CRTC1: variants seen among roughly 807,000 people sequenced by gnomAD.
The protein encoded by CRTC1 is CREB-regulated transcription coactivator 1.
Under a neutral mutation model 66.1 loss-of-function variants are expected in CRTC1, and 18 were observed. That is an observed-to-expected ratio of 0.27 (90% confidence interval 0.19 to 0.40). The LOEUF (loss-of-function observed/expected upper bound fraction) is 0.40. CRTC1 is among the 10% of genes least tolerant of loss of function. CRTC1 has a pLI of 1.00. For synonymous variants in CRTC1, 416 were observed against 398.8 expected (o/e 1.04, Z -0.51); for missense variants, 669 against 887.9 (o/e 0.75, Z 3.13).
At chr19:18,761,087 C>G (rs1237223719) in intron 8 of CRTC1, among the ~76,000 whole-genome samples, 1 of 152,242 alleles carries the variant, frequency 6.6e-6, no homozygotes, top group East Asian at 1.9e-4. Context: ...CACCTCAGGG[C>G]CTCTGCACAT....
At chr19:18,764,155 C>T (rs2054676170) in intron 8 of CRTC1, among the ~76,000 whole-genome samples, 1 of 152,230 alleles carries the variant, frequency 6.6e-6, no homozygotes, top group South Asian at 2.1e-4. Context: ...TGTCATCTCC[C>T]CTCGGCGCTT....
intron 4 of CRTC1, among the ~76,000 whole-genome samples, chr19:18,747,406 G>A (rs998859754): frequency 2.0e-5 from 3 of 152,118 alleles, no homozygotes; most frequent in African/African-American, 4.8e-5. Context: ...GGGGGCCGAG[G>A]CAGGCGGATC....
At chr19:18,685,215 T>G (rs1386121251) in intron 1 of CRTC1, among the ~76,000 whole-genome samples, 1 of 152,154 alleles carries the variant, frequency 6.6e-6, no homozygotes, top group Non-Finnish European at 1.5e-5. Flanking sequence ...CATTTCTGTG[T>G]TGGTAATGAT....
chr19:18,699,529 G>C (rs549148906), intron 1 of CRTC1, among the ~76,000 whole-genome samples: 2 of 152,282 alleles, frequency 1.3e-5, no homozygotes, highest in Admixed American at 1.3e-4. Flanking sequence ...GTGAGGGTTT[G>C]GATAGGAAAG....
At chr19:18,719,330 G>A (rs1385289389) in intron 1 of CRTC1, among the ~76,000 whole-genome samples, 3 of 152,158 alleles carry the variant, frequency 2.0e-5, no homozygotes, top group Non-Finnish European at 2.9e-5. Flanking sequence ...TAACCCCACC[G>A]GGTCCCCAGG....
intron 1 of CRTC1, among the ~76,000 whole-genome samples, chr19:18,705,148 G>A (rs1393375808): frequency 6.6e-6 from 1 of 152,074 alleles, no homozygotes; most frequent in Non-Finnish European, 1.5e-5. Context: ...CCACTGTATG[G>A]ATGGGACACA....
intron 1 of CRTC1, among the ~76,000 whole-genome samples, chr19:18,698,201 C>T (rs1210112023): frequency 6.7e-6 from 1 of 150,148 alleles, no homozygotes; most frequent in Non-Finnish European, 1.5e-5. Flanking sequence ...AGTGTATACT[C>T]AGCAAGTGCT....
In CRTC1 at chr19:18,781,022, C is replaced by CG; in HGVS notation, c.*3645dup. ...TGGTGGAGTAAGGTCCAGCGGTATT[C>CG]GGGGGTCCTCTGTCACCTCGCCCTG... On this transcript the variant is annotated 3_prime_UTR_variant, in exon 14 of 14. Coordinates refer to ENST00000321949, the MANE Select transcript of CRTC1 (RefSeq NM_015321.3). 1 of 226,586 alleles carries CG rather than the reference C, an allele frequency of 4.4e-6. No individual in the cohort carries two copies. The allele number at this position is 226,586 out of a possible 1,614,324, so 14.0% of individuals were successfully genotyped here. A position where few individuals can be genotyped will look rare whatever the true frequency, so the allele number is the denominator to read the frequency against.
At chr19:18,716,519 G>A (rs773568943) in intron 1 of CRTC1, among the ~76,000 whole-genome samples, 1 of 152,188 alleles carries the variant, frequency 6.6e-6, no homozygotes, top group Non-Finnish European at 1.5e-5. Flanking sequence ...CAAAGTGCTG[G>A]GATTACAGGT....
chr19:18,702,637 G>A (rs949479475), intron 1 of CRTC1, among the ~76,000 whole-genome samples: 2 of 149,768 alleles, frequency 1.3e-5, no homozygotes, highest in Non-Finnish European at 3.0e-5. Context: ...GGGTTCAAGC[G>A]ATTCTCCTGC....
chr19:18,776,003 G>GCGCCA (rs150249184), intron 13 of CRTC1, among the ~76,000 whole-genome samples, 182 bp downstream of exon 13: 2 of 151,806 alleles, frequency 1.3e-5, no homozygotes, highest in African/African-American at 4.8e-5. Context: ...CCTGGGCTTC[G>GCGCCA]GGCCAGGCCA....
intron 7 of CRTC1, 52 bp from the exon 8 acceptor site, chr19:18,759,956 G>GCCAGTCCCCTGTCCCCGCCA: frequency 8.2e-7 from 1 of 1,221,322 alleles, no homozygotes; most frequent in Non-Finnish European, 1.2e-6. Flanking sequence ...TGTCCCCGCC[G>GCCAGTCCCCTGTCCCCGCCA]CCAGCCCCGC....
At position 18,775,763 on chromosome 19, in the gene CRTC1, G is replaced by A. The variant is rs752843264; in HGVS notation, c.1635G>A (p.Pro545=). Residue 545 remains proline (P), a synonymous_variant, in exon 13 of 14, where the codon CCG becomes CCA. Coordinates refer to ENST00000321949, the MANE Select transcript of CRTC1 (RefSeq NM_015321.3). Reference sequence around the variant, plus strand: ...TCACGGGCAGCCACGGGAGCCTGCCGGACTCGCAGCAACTGGGATACGCCA... The same window carrying A: ...TCACGGGCAGCCACGGGAGCCTGCCAGACTCGCAGCAACTGGGATACGCCA... ...MGLTGSHGSL[P]DSQQLGYASH... The A allele has an allele frequency of 1.7e-5, 27 of 1,611,562 alleles. No homozygotes were observed. Among genetic ancestry groups the A allele is most frequent in the Middle Eastern group, 1.6e-4 (1 of 6,074 alleles).
At position 18,710,442 on chromosome 19, in the gene CRTC1, C is replaced by G. The variant is rs573374274; in HGVS notation, c.126+26614C>G. On this transcript the variant is annotated intron_variant, in intron 1 of 13. Coordinates refer to ENST00000321949, the MANE Select transcript of CRTC1 (RefSeq NM_015321.3). The stretch of plus-strand genomic sequence containing the variant: ...GGGTGAGCTGGACATGCAGGGTTTT[C>G]TGGGGCTGCTGGAGGGGGTGGGAGC... Among the ~76,000 whole-genome samples the G allele has an allele frequency of 2.6e-5, 4 of 151,870 alleles. No individual in the cohort carries two copies. In the East Asian group the frequency reaches 7.8e-4, roughly 30 times the overall value.
intron 1 of CRTC1, among the ~76,000 whole-genome samples, chr19:18,699,741 C>G (rs1002564127): frequency 1.3e-5 from 2 of 152,100 alleles, no homozygotes; most frequent in Non-Finnish European, 2.9e-5. Flanking sequence ...GGTGATGCCT[C>G]GTGGGCCAGG....
intron 1 of CRTC1, among the ~76,000 whole-genome samples, chr19:18,690,792 G>A (rs186273955): frequency 1.3e-5 from 2 of 151,944 alleles, no homozygotes; most frequent in African/African-American, 4.8e-5. Context: ...TTGGGAGGCC[G>A]GGGTGGGCAG....
intron 3 of CRTC1, among the ~76,000 whole-genome samples, chr19:18,746,390 C>A (rs1385841291): frequency 6.6e-6 from 1 of 152,142 alleles, no homozygotes; most frequent in Non-Finnish European, 1.5e-5. Flanking sequence ...CTGTGTGAGA[C>A]CCGGACGCAT....
chr19:18,752,873 G>A (rs2054397772), intron 5 of CRTC1, among the ~76,000 whole-genome samples: 1 of 149,380 alleles, frequency 6.7e-6, no homozygotes, highest in South Asian at 2.1e-4. Context: ...CCTAACCTCG[G>A]GCGATCTGCC....
rs538258012 is a variant in CRTC1 at position 18,747,202 on chromosome 19, A to G, written c.443+88A>G. ...ATGGTTACATGTGGAAAAGCAGGAC[A>G]CAGTCGCTTAAACAATGACCAAACT... On this transcript the variant is annotated intron_variant, in intron 4 of 13. Coordinates refer to ENST00000321949, the MANE Select transcript of CRTC1 (RefSeq NM_015321.3). 8 of 1,015,750 alleles carry G rather than the reference A, an allele frequency of 7.9e-6. No individual in the cohort carries two copies. In the African/African-American group the frequency reaches 1.3e-4, roughly 17 times the overall value. 62.9% of individuals were successfully genotyped at this position (1,015,750 alleles called of 1,614,324 possible).
Sources: gnomAD v4.1 joint callset for allele counts (sites outside exome capture counted in the v4.1 genomes callset) on GRCh38, gnomAD v4.1.1 for gene constraint, MANE v1.5 for transcripts, NCBI Gene and HGNC (gene_info 2026-07-23, HGNC 2026-07-21) for gene names.